CHL1: variants seen among roughly 807,000 people sequenced by gnomAD.
The protein encoded by CHL1 is neural cell adhesion molecule L1-like protein.
In CHL1, 96 loss-of-function variants were observed where a neutral mutation model predicts 141.9. The ratio of observed to expected loss-of-function variants is 0.68; its 90% CI spans 0.57 to 0.80. The LOEUF (loss-of-function observed/expected upper bound fraction) is 0.80. Among genes scored for constraint, CHL1 ranks in the 30% least tolerant of loss-of-function variants. The pLI, the probability that CHL1 is intolerant of heterozygous loss-of-function variation, is 0.00. For missense variants in CHL1, 1,820 were observed against 1,457.2 expected (o/e 1.25, Z -4.05); for synonymous variants, 613 against 502.2 (o/e 1.22, Z -2.95).
At chr3:201,784 T>C (rs1698967935) in intron 1 of CHL1, among the ~76,000 whole-genome samples, 2 of 152,166 alleles carry the variant, frequency 1.3e-5, no homozygotes, top group Non-Finnish European at 2.9e-5. Context: ...TCCCTTCTAA[T>C]GTTTGTTTGC....
intron 1 of CHL1, among the ~76,000 whole-genome samples, chr3:204,424 G>A (rs1699230101): frequency 2.0e-5 from 3 of 152,212 alleles, no homozygotes; most frequent in African/African-American, 7.2e-5. Flanking sequence ...ATCAGAACAA[G>A]GACGATGAAG....
At chr3:377,183 A>T (rs1706436087) in intron 15 of CHL1, among the ~76,000 whole-genome samples, 1 of 152,222 alleles carries the variant, frequency 6.6e-6, no homozygotes, top group Admixed American at 6.5e-5. Flanking sequence ...AGTAAACCTG[A>T]TCACAAATTG....
intron 1 of CHL1, among the ~76,000 whole-genome samples, chr3:242,193 A>ATG (rs1052172890): frequency 2.6e-5 from 4 of 152,144 alleles, no homozygotes; most frequent in Middle Eastern, 3.2e-3. Context: ...GTATATATAT[A>ATG]TGTGTGTGTA....
chr3:213,290 T>G (rs1384844545), intron 1 of CHL1: 1 of 152,220 alleles, frequency 6.6e-6, no homozygotes, highest in Non-Finnish European at 1.5e-5. Flanking sequence ...TAGGATCATT[T>G]CAGCGCTGAT....
intron 2 of CHL1, among the ~76,000 whole-genome samples, chr3:269,527 C>CTA (rs1462848586): frequency 1.8e-4 from 28 of 151,734 alleles, no homozygotes; most frequent in African/African-American, 4.4e-4. Flanking sequence ...GACTCTCTCT[C>CTA]TCTATATATA....
chr3:331,355 T>G (rs1346269855), intron 5 of CHL1, among the ~76,000 whole-genome samples: 1 of 152,072 alleles, frequency 6.6e-6, no homozygotes, highest in Non-Finnish European at 1.5e-5. Context: ...ATCTCAGCCT[T>G]CTGAGTAACT....
intron 5 of CHL1, among the ~76,000 whole-genome samples, chr3:334,604 C>G (rs1399170323): frequency 6.6e-6 from 1 of 152,162 alleles, no homozygotes; most frequent in Non-Finnish European, 1.5e-5. Flanking sequence ...TAGCATATAT[C>G]AGTAGTTTAT....
At chr3:340,686 A>C (rs1206347960) in intron 5 of CHL1, 108 bp from the exon 6 acceptor site, 1 of 921,150 alleles carries the variant, frequency 1.1e-6, no homozygotes, top group South Asian at 1.8e-5. Flanking sequence ...TGTAGCATAG[A>C]ATTTATTTAA....
intron 2 of CHL1, among the ~76,000 whole-genome samples, chr3:314,143 A>G (rs993041011): frequency 2.0e-5 from 3 of 151,462 alleles, no homozygotes; most frequent in Non-Finnish European, 2.9e-5. Context: ...GATTTTGTCT[A>G]CCTTTTGCCT....
At chr3:215,065 A>G (rs1700202614) in intron 1 of CHL1, among the ~76,000 whole-genome samples, 2 of 152,178 alleles carry the variant, frequency 1.3e-5, no homozygotes, top group Middle Eastern at 3.2e-3. Flanking sequence ...TGCTAGCAAA[A>G]TGAAAACTTG....
chr3:308,894 AT>A, intron 2 of CHL1: 3 of 162,016 alleles, frequency 1.9e-5, no homozygotes. Context: ...CTTTCATTAT[AT>A]TTTTTTCTGA....
chr3:403,214 A>T (rs1709281592), intron 27 of CHL1, among the ~76,000 whole-genome samples: 1 of 152,144 alleles, frequency 6.6e-6, no homozygotes. Context: ...CATTCACAAC[A>T]TGGCAGCTGG....
At chr3:392,591 A>G (rs141239710) in intron 23 of CHL1, among the ~76,000 whole-genome samples, 8 of 152,352 alleles carry the variant, frequency 5.3e-5, no homozygotes, top group Admixed American at 3.3e-4. Context: ...AATTTTATCA[A>G]CAACCCATCA....
intron 1 of CHL1, among the ~76,000 whole-genome samples, chr3:204,930 A>G (rs1391779504): frequency 6.6e-6 from 1 of 152,212 alleles, no homozygotes; most frequent in Non-Finnish European, 1.5e-5. Context: ...AGCCCATTTT[A>G]TAGATGAAAA....
chr3:353,425 G>A (rs144644676), intron 10 of CHL1, among the ~76,000 whole-genome samples: 5 of 152,074 alleles, frequency 3.3e-5, no homozygotes, highest in Admixed American at 2.6e-4. Flanking sequence ...GAAAATGATC[G>A]CAGTTTATAA....
chr3:264,803 C>T (rs954136169), intron 2 of CHL1, among the ~76,000 whole-genome samples: 9 of 152,140 alleles, frequency 5.9e-5, no homozygotes, highest in Non-Finnish European at 1.2e-4. Context: ...GGACTGTTTG[C>T]GTAAAATACC....
intron 1 of CHL1, among the ~76,000 whole-genome samples, chr3:224,536 A>C (rs546421253): frequency 6.6e-6 from 1 of 151,968 alleles, no homozygotes; most frequent in Non-Finnish European, 1.5e-5. Flanking sequence ...TCCCCAACTA[A>C]GTCTCTCTCT....
At chr3:343,766 G>A (rs1702539455) in intron 8 of CHL1, among the ~76,000 whole-genome samples, 2 of 152,116 alleles carry the variant, frequency 1.3e-5, no homozygotes, top group African/African-American at 4.8e-5. Context: ...CAGTTTTAAG[G>A]TGGACTGATT....
rs372203303 is a variant in CHL1 at position 202,599 on chromosome 3, C to T, written c.-175+5536C>T. Among the ~76,000 whole-genome samples, 20 of 152,246 alleles carry T rather than the reference C, an allele frequency of 1.3e-4. No individual in the cohort carries two copies. The South Asian group carries it at 1.5e-3, about 11-fold the overall frequency. On this transcript the variant is annotated intron_variant, in intron 1 of 27. Coordinates refer to ENST00000256509, the MANE Select transcript of CHL1 (RefSeq NM_006614.4). ...GAAAACTTCTAGTGCGATTCTAACACGCCCTAATGTACCAATATTGGTTAA... is the reference window on the plus strand; with the variant it reads ...GAAAACTTCTAGTGCGATTCTAACATGCCCTAATGTACCAATATTGGTTAA...
Sources: gnomAD v4.1 joint callset for allele counts (sites outside exome capture counted in the v4.1 genomes callset) on GRCh38, gnomAD v4.1.1 for gene constraint, MANE v1.5 for transcripts, NCBI Gene and HGNC (gene_info 2026-07-23, HGNC 2026-07-21) for gene names.